Variants in TMEFF2 observed in about 807,000 individuals in gnomAD.
TMEFF2 encodes the protein transmembrane protein with EGF like and two follistatin like domains 2, also known as tomoregulin-2.
In TMEFF2, 28 loss-of-function variants were observed where a neutral mutation model predicts 53.8. The observed-to-expected ratio is 0.52, with a 90% CI of 0.39 to 0.71. The LOEUF (loss-of-function observed/expected upper bound fraction) is 0.71, where lower values mean the gene tolerates loss of function less well. Ranked by LOEUF, TMEFF2 falls within the 30% of genes least tolerant of loss-of-function variation. The pLI is 0.00. For missense variants in TMEFF2, 353 were observed against 455.2 expected (o/e 0.78, Z 2.04); for synonymous variants, 162 against 166.3 (o/e 0.97, Z 0.20).
chr2:192,179,607 G>A (rs1691136738), intron 4 of TMEFF2, 61 bp downstream of exon 4: 1 of 1,485,018 alleles, frequency 6.7e-7, no homozygotes, highest in Non-Finnish European at 9.1e-7. Context: ...ACATACATAA[G>A]TAAATATACA....
chr2:192,100,883 A>G (rs1339520986), intron 4 of TMEFF2, among the ~76,000 whole-genome samples: 4 of 152,164 alleles, frequency 2.6e-5, no homozygotes, highest in African/African-American at 9.7e-5. Flanking sequence ...GTTTCCTTAT[A>G]TGAGTTCCTT....
chr2:192,090,914 A>G (rs139196414), intron 4 of TMEFF2, among the ~76,000 whole-genome samples: 177 of 152,272 alleles, frequency 1.2e-3, no homozygotes, highest in African/African-American at 4.0e-3. Flanking sequence ...TCTACATCTT[A>G]AAACTGGCAA....
At chr2:191,955,391 C>T (rs948842998) in intron 8 of TMEFF2, among the ~76,000 whole-genome samples, 2 of 151,128 alleles carry the variant, frequency 1.3e-5, no homozygotes, top group African/African-American at 4.9e-5. Flanking sequence ...CTCAGTTGCC[C>T]AGGCTGGAGT....
chr2:192,137,170 G>A (rs763501367), intron 4 of TMEFF2, among the ~76,000 whole-genome samples: 2 of 152,180 alleles, frequency 1.3e-5, no homozygotes, highest in African/African-American at 4.8e-5. Context: ...TGCTCCTTTG[G>A]TGCTTACCAG....
intron 4 of TMEFF2, among the ~76,000 whole-genome samples, chr2:192,069,103 C>T (rs913633275): frequency 4.6e-5 from 7 of 151,568 alleles, no homozygotes; most frequent in African/African-American, 7.3e-5. Flanking sequence ...ACCCCCTACT[C>T]GACTCACATT....
At chr2:192,183,308 G>C (rs2106038841) in intron 3 of TMEFF2, among the ~76,000 whole-genome samples, 1 of 152,028 alleles carries the variant, frequency 6.6e-6, no homozygotes. Context: ...ATCTTTTAAA[G>C]AATATGAGGC....
chr2:192,115,249 T>C (rs1020239847), intron 4 of TMEFF2, among the ~76,000 whole-genome samples: 3 of 151,902 alleles, frequency 2.0e-5, no homozygotes, highest in African/African-American at 7.2e-5. Flanking sequence ...TATAGATCAA[T>C]AGAACAGAAT....
At position 191,949,078 on chromosome 2, in the gene TMEFF2, T is replaced by A. The variant is rs533677593; in HGVS notation, c.*1233A>T. ...GAGACAAAGAGAGCTTTATTTAAATTTACTGTGTTAGCCATGGAAAGCTTT... is the reference window on the plus strand; with the variant it reads ...GAGACAAAGAGAGCTTTATTTAAATATACTGTGTTAGCCATGGAAAGCTTT... On this transcript the variant is annotated 3_prime_UTR_variant, in exon 10 of 10. Coordinates refer to ENST00000272771, the MANE Select transcript of TMEFF2 (RefSeq NM_016192.4). 6.1e-6 allele frequency: 6 copies of A among 985,232 alleles called. No homozygotes were observed. The East Asian group carries it at 5.7e-4, about 93-fold the overall frequency. 61.0% of individuals were successfully genotyped at this position (985,232 alleles called of 1,614,324 possible).
intron 5 of TMEFF2, among the ~76,000 whole-genome samples, chr2:192,023,030 C>A (rs901253002): frequency 6.6e-5 from 10 of 151,990 alleles, no homozygotes; most frequent in African/African-American, 2.4e-4. Context: ...GCTTATTCAT[C>A]TTTGAATAAG....
intron 4 of TMEFF2, among the ~76,000 whole-genome samples, chr2:192,092,934 G>A (rs778076280): frequency 7.2e-5 from 11 of 152,066 alleles, no homozygotes; most frequent in Non-Finnish European, 1.6e-4. Flanking sequence ...TTGGACTTCT[G>A]ACATCCGGGG....
chr2:192,060,228 C>T (rs911485449), intron 4 of TMEFF2, among the ~76,000 whole-genome samples: 12 of 152,084 alleles, frequency 7.9e-5, no homozygotes, highest in Non-Finnish European at 4.4e-5. Flanking sequence ...TAGCACAGGG[C>T]TTCTGATGCT....
chr2:191,986,677 G>A (rs987551756), intron 7 of TMEFF2, among the ~76,000 whole-genome samples: 1 of 151,396 alleles, frequency 6.6e-6, no homozygotes, highest in Non-Finnish European at 1.5e-5. Context: ...GACCAACATG[G>A]TAAAACCATG....
At chr2:192,037,754 T>C (rs1687367517) in intron 5 of TMEFF2, 1 of 152,164 alleles carries the variant, frequency 6.6e-6, no homozygotes, top group African/African-American at 2.4e-5. Flanking sequence ...CTTCCATCAT[T>C]TGGCTACATG....
intron 7 of TMEFF2, among the ~76,000 whole-genome samples, chr2:191,984,702 C>T (rs1685935100): frequency 6.6e-6 from 1 of 152,012 alleles, no homozygotes; most frequent in South Asian, 2.1e-4. Context: ...GCCCAATAAA[C>T]TCGTCCATTA....
chr2:192,192,114 G>T, intron 1 of TMEFF2, 125 bp from the exon 2 acceptor site: 1 of 625,292 alleles, frequency 1.6e-6, no homozygotes, highest in Admixed American at 2.8e-5. Context: ...TAGCTGTACT[G>T]CAAGGTCACT....
In TMEFF2 at chr2:192,194,854, G is replaced by A. The variant is rs1407116812; in HGVS notation, c.-330C>T. ...GTCCAGGGGCAGACGAGTGGAGCCCGAGGAGGCAGGGTGGAGGGAGAGTCA... is the reference window on the plus strand; with the variant it reads ...GTCCAGGGGCAGACGAGTGGAGCCCAAGGAGGCAGGGTGGAGGGAGAGTCA... On this transcript the variant is annotated 5_prime_UTR_variant, in exon 1 of 10. Transcript: ENST00000272771. This position sits in a 1 kb window ranked among gnomAD's most constrained non-coding sequence, Gnocchi z 4.2. 3.1e-6 allele frequency: 1 copy of A among 318,744 alleles called. No homozygotes were observed. 19.7% of individuals were successfully genotyped at this position (318,744 alleles called of 1,614,324 possible).
chr2:192,137,435 G>A (rs550339993), intron 4 of TMEFF2, among the ~76,000 whole-genome samples: 1 of 152,316 alleles, frequency 6.6e-6, no homozygotes, highest in South Asian at 2.1e-4. Flanking sequence ...CGGAGAGGAT[G>A]GTTGAAGTAA....
intron 9 of TMEFF2, among the ~76,000 whole-genome samples, chr2:191,951,136 C>T (rs1485848976): frequency 1.3e-5 from 2 of 151,260 alleles, no homozygotes; most frequent in Non-Finnish European, 2.9e-5. Flanking sequence ...ATATATATCA[C>T]GTGTGTATAT....
chr2:192,046,232 C>T (rs933205815), intron 5 of TMEFF2, among the ~76,000 whole-genome samples: 1 of 152,072 alleles, frequency 6.6e-6, no homozygotes, highest in African/African-American at 2.4e-5. Context: ...GGGCATGTGG[C>T]ATGCACCTGT....
Sources: gnomAD v4.1 joint callset for allele counts (sites outside exome capture counted in the v4.1 genomes callset) on GRCh38, gnomAD v4.1.1 for gene constraint, Gnocchi (gnomAD v3.1) non-coding constraint, MANE v1.5 for transcripts, NCBI Gene and HGNC (gene_info 2026-07-23, HGNC 2026-07-21) for gene names.